The following MNAT1 variants were observed in gnomAD, a reference collection of about 807,000 sequenced individuals.
MNAT1 encodes the protein CDK-activating kinase assembly factor MAT1.
A neutral mutation model predicts 42.0 loss-of-function variants in MNAT1; 43 were observed. The observed-to-expected ratio is 1.02, with a 90% CI of 0.80 to 1.32. The LOEUF (loss-of-function observed/expected upper bound fraction) is 1.32, where lower values mean the gene tolerates loss of function less well. Ranked by LOEUF, MNAT1 falls within the 40% of genes most tolerant of loss-of-function variation. MNAT1 has a pLI of 0.00. For missense variants in MNAT1, 306 were observed against 350.4 expected (o/e 0.87, Z 1.01); for synonymous variants, 118 against 120.0 (o/e 0.98, Z 0.11).
At chr14:60,845,966 A>G (rs1293307133) in intron 6 of MNAT1, among the ~76,000 whole-genome samples, 1 of 151,916 alleles carries the variant, frequency 6.6e-6, no homozygotes, top group Non-Finnish European at 1.5e-5. Context: ...TTTTTCTTGA[A>G]ATATTTGATG....
intron 6 of MNAT1, among the ~76,000 whole-genome samples, chr14:60,861,612 CT>C (rs1242801169): frequency 2.0e-5 from 3 of 152,092 alleles, no homozygotes; most frequent in Non-Finnish European, 4.4e-5. Flanking sequence ...TGTCTGTACA[CT>C]TGCTATTAAT....
chr14:60,948,584 T>C (rs890426917), intron 7 of MNAT1, among the ~76,000 whole-genome samples: 12 of 152,196 alleles, frequency 7.9e-5, no homozygotes, highest in Admixed American at 4.6e-4. Flanking sequence ...TTTCCTTTCA[T>C]GTATCAACTT....
At chr14:60,905,707 A>G (rs1179620195) in intron 7 of MNAT1, among the ~76,000 whole-genome samples, 1 of 152,238 alleles carries the variant, frequency 6.6e-6, no homozygotes, top group Non-Finnish European at 1.5e-5. Flanking sequence ...ATGATGTCCA[A>G]GGACAGAGTA....
chr14:60,884,902 AG>A (rs984236529), intron 7 of MNAT1, among the ~76,000 whole-genome samples: 2 of 151,994 alleles, frequency 1.3e-5, no homozygotes, highest in Non-Finnish European at 2.9e-5. Context: ...AAAAACCTTC[AG>A]CTTTTGTTTG....
intron 7 of MNAT1, among the ~76,000 whole-genome samples, chr14:60,890,607 T>C (rs2034818337): frequency 6.6e-6 from 1 of 152,218 alleles, no homozygotes; most frequent in South Asian, 2.1e-4. Flanking sequence ...GCCTTCAGTC[T>C]GTGGCCGAAG....
intron 1 of MNAT1, among the ~76,000 whole-genome samples, chr14:60,779,612 C>A (rs2031379001): frequency 6.6e-6 from 1 of 151,776 alleles, no homozygotes; most frequent in Admixed American, 6.6e-5. Context: ...ATGGTGAGAC[C>A]CCGTCTCCAC....
intron 6 of MNAT1, among the ~76,000 whole-genome samples, chr14:60,834,243 A>G (rs2033310645): frequency 6.6e-6 from 1 of 151,776 alleles, no homozygotes; most frequent in African/African-American, 2.4e-5. Flanking sequence ...TTTCTTCTCT[A>G]GTTCTTTTAA....
intron 6 of MNAT1, among the ~76,000 whole-genome samples, chr14:60,825,830 G>A (rs1433685906): frequency 6.6e-6 from 1 of 152,040 alleles, no homozygotes; most frequent in Non-Finnish European, 1.5e-5. Context: ...AATTTAAGGG[G>A]CAGGAGTCAG....
intron 6 of MNAT1, among the ~76,000 whole-genome samples, chr14:60,864,544 A>T (rs959022311): frequency 3.3e-5 from 5 of 152,026 alleles, no homozygotes; most frequent in African/African-American, 9.7e-5. Flanking sequence ...TCAAATGTGT[A>T]TGTAATGCCT....
At chr14:60,898,130 TGTGTGTGTGTGCGCGC>T (rs1372418857) in intron 7 of MNAT1, among the ~76,000 whole-genome samples, 10 of 95,468 alleles carry the variant, frequency 1.0e-4, no homozygotes, top group African/African-American at 3.9e-4. Context: ...TGTGTGTGTG[TGTGTGTGTGTGCGCGC>T]GCCACATTTT....
rs879902220 is a variant in MNAT1, at chr14:60,966,670, G to A, written c.810-1559G>A. ...TGGGATTACAGGCATGTGCCACCAC[G>A]CCCAGCCAAGTTTTTGTATTTTTAG... On this transcript the variant is annotated intron_variant, in intron 7 of 7. Transcript: ENST00000261245. 8.4e-4 allele frequency among the ~76,000 whole-genome samples: 127 copies of A among 151,840 alleles called. 2 individuals carry two copies. The highest frequency in any genetic ancestry group is 2.3e-3 in the Admixed American group (35 of 15,246).
intron 7 of MNAT1, among the ~76,000 whole-genome samples, chr14:60,923,655 T>G (rs1310401075): frequency 2.6e-5 from 4 of 152,166 alleles, no homozygotes; most frequent in Non-Finnish European, 4.4e-5. Flanking sequence ...GATCTTCTAA[T>G]TATTTCATTA....
chr14:60,884,682 T>C (rs1241010455), intron 7 of MNAT1, among the ~76,000 whole-genome samples: 2 of 152,110 alleles, frequency 1.3e-5, no homozygotes, highest in Non-Finnish European at 2.9e-5. Context: ...GTAGTTATTA[T>C]GTTTAATTGA....
chr14:60,796,427 G>A, intron 2 of MNAT1, 58 bp downstream of exon 2: 1 of 1,445,332 alleles, frequency 6.9e-7, no homozygotes, highest in Non-Finnish European at 9.5e-7. Context: ...AATTATGTCA[G>A]TAATTGATTA....
At chr14:60,736,619 G>A (rs78503378) in intron 1 of MNAT1, among the ~76,000 whole-genome samples, 4,535 of 152,222 alleles carry the variant, frequency 0.03, 126 homozygotes, top group Non-Finnish European at 0.046. Context: ...TGAACAAAAT[G>A]AGTGAAAAGC....
chr14:60,801,323 A>G (rs1436263231), intron 3 of MNAT1, among the ~76,000 whole-genome samples: 2 of 152,188 alleles, frequency 1.3e-5, no homozygotes, highest in Non-Finnish European at 2.9e-5. Flanking sequence ...TTAGTACCAT[A>G]GACAACAAAA....
chr14:60,901,777 T>G (rs1192050575), intron 7 of MNAT1, among the ~76,000 whole-genome samples: 2 of 152,210 alleles, frequency 1.3e-5, no homozygotes, highest in Non-Finnish European at 2.9e-5. Flanking sequence ...ACTACAGTCT[T>G]ATAATAAAAC....
At chr14:60,845,870 A>G (rs2033669777) in intron 6 of MNAT1, among the ~76,000 whole-genome samples, 1 of 152,076 alleles carries the variant, frequency 6.6e-6, no homozygotes. Flanking sequence ...CTTTAGTATG[A>G]GGATAATATT....
At chr14:60,932,119 T>C (rs1466955185) in intron 7 of MNAT1, among the ~76,000 whole-genome samples, 1 of 152,048 alleles carries the variant, frequency 6.6e-6, no homozygotes, top group Non-Finnish European at 1.5e-5. Context: ...TAATTTTTGC[T>C]TGTACAAACC....
Sources: gnomAD v4.1 joint callset for allele counts (sites outside exome capture counted in the v4.1 genomes callset) on GRCh38, gnomAD v4.1.1 for gene constraint, MANE v1.5 for transcripts, NCBI Gene and HGNC (gene_info 2026-07-23, HGNC 2026-07-21) for gene names.